The following RNF17 variants were observed in gnomAD, a reference collection of about 807,000 sequenced individuals.
The protein encoded by RNF17 is ring finger protein 17.
RNF17 carries 31 observed loss-of-function variants against 200.5 expected under a neutral mutation model. The ratio of observed to expected loss-of-function variants is 0.15; its 90% confidence interval spans 0.12 to 0.21. The LOEUF is 0.21. Ranked by LOEUF, RNF17 falls within the 10% of genes least tolerant of loss-of-function variation. The probability of loss-of-function intolerance (pLI) is 1.00; values close to 1 mark genes in which losing one functional copy is unlikely to be tolerated. For missense variants in RNF17, 1,628 were observed against 1,905.1 expected (o/e 0.85, Z 2.71); for synonymous variants, 606 against 637.8 (o/e 0.95, Z 0.75).
chr13:24,770,200 G>A (rs1377268750), intron 2 of RNF17, among the ~76,000 whole-genome samples: 1 of 152,090 alleles, frequency 6.6e-6, no homozygotes, highest in Non-Finnish European at 1.5e-5. Flanking sequence ...GGATAGGAAA[G>A]CATTGATAAG....
chr13:24,831,436 G>A (rs765398233), intron 17 of RNF17, among the ~76,000 whole-genome samples: 3 of 151,926 alleles, frequency 2.0e-5, no homozygotes, highest in Non-Finnish European at 2.9e-5. Context: ...GGCAAGACTC[G>A]GTCTCAAAGA....
intron 25 of RNF17, 109 bp from the exon 26 acceptor site, chr13:24,858,892 T>C: frequency 1.5e-6 from 1 of 659,430 alleles, no homozygotes; most frequent in African/African-American, 1.8e-5. Context: ...ACAAAAGTTC[T>C]GTTTGGGGGA....
intron 9 of RNF17, among the ~76,000 whole-genome samples, 183 bp downstream of exon 9, chr13:24,789,955 A>G (rs538886509): frequency 6.6e-6 from 1 of 152,164 alleles, no homozygotes; most frequent in Non-Finnish European, 1.5e-5. Context: ...AGTATTCAGC[A>G]ATATACATGT....
the RNF17 span, chr13:24,885,976 G>A: frequency 2.4e-6 from 1 of 421,836 alleles, no homozygotes; most frequent in Non-Finnish European, 4.4e-6. Flanking sequence ...GCAGATAAAA[G>A]AGGCATCTAA....
intron 22 of RNF17, among the ~76,000 whole-genome samples, chr13:24,845,868 C>T (rs919651568): frequency 6.6e-6 from 1 of 152,002 alleles, no homozygotes; most frequent in Admixed American, 6.6e-5. Flanking sequence ...GAAGAAATTG[C>T]TGGGAATAGA....
chr13:24,780,419 A>G (rs1882188579), intron 5 of RNF17, among the ~76,000 whole-genome samples: 1 of 152,174 alleles, frequency 6.6e-6, no homozygotes, highest in Non-Finnish European at 1.5e-5. Context: ...AATTAACTGG[A>G]GGTTAGGACT....
intron 5 of RNF17, among the ~76,000 whole-genome samples, chr13:24,780,271 G>T (rs1816404989): frequency 1.3e-5 from 2 of 151,932 alleles, no homozygotes; most frequent in African/African-American, 4.8e-5. Context: ...TTCTCAAGAG[G>T]AATGAGAAAT....
At chr13:24,749,307 C>CTTTCTTTCTTTTTTTTTTTTTT in the RNF17 span, among the ~76,000 whole-genome samples, 2 of 108,032 alleles carry the variant, frequency 1.9e-5, no homozygotes, top group East Asian at 3.3e-4. Flanking sequence ...TTCTTTCTTT[C>CTTTCTTTCTTTTTTTTTTTTTT]TTTTTTTTTT....
intron 18 of RNF17, among the ~76,000 whole-genome samples, chr13:24,834,419 T>TAATAAC (rs1555279621): frequency 6.6e-6 from 1 of 150,388 alleles, no homozygotes; most frequent in Non-Finnish European, 1.5e-5. Context: ...CATCTCAAAT[T>TAATAAC]AACAACAACA....
rs1448511744 is a variant in RNF17 at position 24,853,284 on chromosome 13, CAATATT to C, written c.3321-564_3321-559del. 2.6e-5 allele frequency among the ~76,000 whole-genome samples: 4 copies of C among 152,070 alleles called. No individual in the cohort carries two copies. In the East Asian group the frequency reaches 7.7e-4, roughly 29 times the overall value. On this transcript the variant is annotated intron_variant, in intron 24 of 35. Transcript: ENST00000255324. Reference sequence around the variant, plus strand: ...TGCTATAATTCCGCTAAAACACAATCAATATTAATATTTCCTCCTAAGATTTTATTT... The same window carrying C: ...TGCTATAATTCCGCTAAAACACAATCAATATTTCCTCCTAAGATTTTATTT...
chr13:24,886,944 G>A, the RNF17 span, among the ~76,000 whole-genome samples: 2 of 152,122 alleles, frequency 1.3e-5, no homozygotes, highest in Non-Finnish European at 2.9e-5. Context: ...GCAGGATAAC[G>A]AGAGGTGACC....
At chr13:24,800,010 T>G (rs1047666697) in intron 12 of RNF17, among the ~76,000 whole-genome samples, 6 of 152,296 alleles carry the variant, frequency 3.9e-5, no homozygotes, top group African/African-American at 1.4e-4. Flanking sequence ...TAATACAAAC[T>G]GATATGTTTC....
intron 18 of RNF17, among the ~76,000 whole-genome samples, chr13:24,833,424 A>ATG (rs1253623993): frequency 6.6e-6 from 1 of 152,234 alleles, no homozygotes. Flanking sequence ...CTTCTCTGAA[A>ATG]TGAACAAATG....
chr13:24,786,224 A>G (rs1883087127), intron 6 of RNF17, among the ~76,000 whole-genome samples: 1 of 152,184 alleles, frequency 6.6e-6, no homozygotes, highest in African/African-American at 2.4e-5. Flanking sequence ...AGGATTACAT[A>G]TAACATCCTG....
intron 31 of RNF17, 47 bp downstream of exon 31, chr13:24,868,763 G>T: frequency 9.7e-7 from 1 of 1,032,246 alleles, no homozygotes; most frequent in Non-Finnish European, 1.5e-6. Flanking sequence ...GTAACAAGCT[G>T]TCTTGGTCTT....
intron 15 of RNF17, among the ~76,000 whole-genome samples, chr13:24,818,840 C>T (rs1887704175): frequency 6.6e-6 from 1 of 151,738 alleles, no homozygotes; most frequent in South Asian, 2.1e-4. Flanking sequence ...ATTAATTCTG[C>T]CAATCTTTGT....
In RNF17 at chr13:24,851,412, T is replaced by G. The variant is rs749176810; in HGVS notation, c.3205-44T>G. On this transcript the variant is annotated intron_variant, in intron 23 of 35. Coordinates refer to ENST00000255324, the MANE Select transcript of RNF17 (RefSeq NM_031277.3). ...AATGCACATTGTTTATATGAAGATTTCATTTTGGTGTTTCATATTTACTCT... is the reference window on the plus strand; with the variant it reads ...AATGCACATTGTTTATATGAAGATTGCATTTTGGTGTTTCATATTTACTCT... 3.9e-6 allele frequency: 5 copies of G among 1,278,796 alleles called. No individual in the cohort carries two copies. The Admixed American group carries it at 7.1e-5, about 18-fold the overall frequency. The allele number at this position is 1,278,796 out of a possible 1,614,324, so 79.2% of individuals were successfully genotyped here.
chr13:24,775,272 A>G (rs1881400144), intron 3 of RNF17, among the ~76,000 whole-genome samples: 1 of 152,186 alleles, frequency 6.6e-6, no homozygotes, highest in Non-Finnish European at 1.5e-5. Context: ...TTTTAAAGAC[A>G]GGGTCTCACT....
At position 24,777,293 on chromosome 13, in the gene RNF17, A is replaced by G. The variant is rs1281542544; in HGVS notation, c.318-1002A>G. ...TATTTTTTCTCTGTAACATTTAAAC[A>G]TCATATTTTCCCCATAAGCTGTAAG... On this transcript the variant is annotated intron_variant, in intron 3 of 35. Coordinates refer to ENST00000255324, the MANE Select transcript of RNF17 (RefSeq NM_031277.3). Among the ~76,000 whole-genome samples the G allele has an allele frequency of 4.6e-5, 7 of 152,366 alleles. No individual in the cohort carries two copies. The East Asian group carries it at 1.3e-3, about 29-fold the overall frequency.
Sources: gnomAD v4.1 joint callset for allele counts (sites outside exome capture counted in the v4.1 genomes callset) on GRCh38, gnomAD v4.1.1 for gene constraint, MANE v1.5 for transcripts, NCBI Gene and HGNC (gene_info 2026-07-23, HGNC 2026-07-21) for gene names.